MACROD2: variants seen among roughly 807,000 people sequenced by gnomAD.
MACROD2 encodes ADP-ribose glycohydrolase MACROD2.
Under a neutral mutation model 70.4 loss-of-function variants are expected in MACROD2, and 36 were observed. That is an observed-to-expected ratio of 0.51 (90% CI 0.39 to 0.68). The LOEUF (loss-of-function observed/expected upper bound fraction) is 0.68, where lower values mean the gene tolerates loss of function less well. MACROD2 is among the 30% of genes least tolerant of loss of function. The pLI is 0.00. For synonymous variants in MACROD2, 172 were observed against 178.8 expected (o/e 0.96, Z 0.30); for missense variants, 496 against 538.4 (o/e 0.92, Z 0.78).
intron 3 of MACROD2, among the ~76,000 whole-genome samples, chr20:14,222,790 C>A (rs2081688820): frequency 7.5e-6 from 1 of 134,204 alleles, no homozygotes; most frequent in African/African-American, 2.9e-5. Flanking sequence ...CTCTACAGTT[C>A]ACAGTTCAAC....
At chr20:15,330,687 G>A (rs2077982534) in intron 6 of MACROD2, among the ~76,000 whole-genome samples, 1 of 151,692 alleles carries the variant, frequency 6.6e-6, no homozygotes, top group Non-Finnish European at 1.5e-5. Context: ...GGGTGGGGTA[G>A]TCAATATCAC....
chr20:14,490,722 T>C (rs2084784611), intron 3 of MACROD2, among the ~76,000 whole-genome samples: 1 of 152,156 alleles, frequency 6.6e-6, no homozygotes, highest in South Asian at 2.1e-4. Flanking sequence ...AAATTCCCTC[T>C]AGGAAGAAAT....
Position 15,661,601 on chromosome 20 carries a change from C to T in MACROD2, c.645+161754C>T, listed in dbSNP as rs752281551. Among the ~76,000 whole-genome samples, 7 of 152,112 alleles carry T rather than the reference C, an allele frequency of 4.6e-5. 1 individual carries two copies. Among genetic ancestry groups the T allele is most frequent in the Admixed American group, 2.6e-4 (4 of 15,276 alleles). Reference sequence around the variant, plus strand: ...CAGTAGGACCCACTTTTCTACACTGCGGTACTGGGGGTAAAATTTCAATAT... The same window carrying T: ...CAGTAGGACCCACTTTTCTACACTGTGGTACTGGGGGTAAAATTTCAATAT... On this transcript the variant is annotated intron_variant, in intron 8 of 17. Coordinates refer to ENST00000684519, the MANE Select transcript of MACROD2 (RefSeq NM_001351661.2).
At chr20:14,974,526 A>G (rs1334433936) in intron 5 of MACROD2, among the ~76,000 whole-genome samples, 2 of 152,150 alleles carry the variant, frequency 1.3e-5, no homozygotes, top group Non-Finnish European at 2.9e-5. Flanking sequence ...CTAGTGCAGT[A>G]TCTGGGCCTT....
intron 5 of MACROD2, among the ~76,000 whole-genome samples, chr20:14,720,171 G>A (rs1467422431): frequency 1.3e-5 from 2 of 152,104 alleles, no homozygotes; most frequent in Non-Finnish European, 2.9e-5. Context: ...TTTGATATTT[G>A]TAAATCTTAG....
At chr20:14,762,141 C>T (rs908927711) in intron 5 of MACROD2, among the ~76,000 whole-genome samples, 6 of 152,104 alleles carry the variant, frequency 3.9e-5, no homozygotes, top group Admixed American at 2.0e-4. Context: ...CTTATTAACT[C>T]TGCAAGGTAT....
chr20:15,791,738 A>G (rs952160193), intron 8 of MACROD2, among the ~76,000 whole-genome samples: 6 of 152,066 alleles, frequency 3.9e-5, no homozygotes, highest in South Asian at 2.1e-4. Context: ...TGAAGGACCC[A>G]TATGAAGAAA....
chr20:14,390,421 G>C (rs754393547), intron 3 of MACROD2, among the ~76,000 whole-genome samples: 15 of 152,124 alleles, frequency 9.9e-5, no homozygotes, highest in Non-Finnish European at 1.9e-4. Context: ...AACCAAAAAA[G>C]AGCCAGATAG....
chr20:14,012,958 T>C (rs1157404909), intron 2 of MACROD2, among the ~76,000 whole-genome samples: 2 of 152,234 alleles, frequency 1.3e-5, no homozygotes, highest in African/African-American at 4.8e-5. Context: ...TTTACCTTTC[T>C]CTTGACTGAA....
intron 5 of MACROD2, among the ~76,000 whole-genome samples, chr20:15,217,543 T>G (rs2076821622): frequency 6.6e-6 from 1 of 152,220 alleles, no homozygotes; most frequent in African/African-American, 2.4e-5. Flanking sequence ...GATCTTTTTT[T>G]TCTGATATTG....
intron 5 of MACROD2, among the ~76,000 whole-genome samples, chr20:14,971,753 G>A (rs572788293): frequency 2.4e-3 from 370 of 152,152 alleles, no homozygotes; most frequent in African/African-American, 8.3e-3. Context: ...TTTACATAGC[G>A]CATGGGGAAG....
intron 3 of MACROD2, among the ~76,000 whole-genome samples, chr20:14,436,592 G>A (rs80327957): frequency 0.015 from 2,282 of 152,260 alleles, 32 homozygotes; most frequent in Non-Finnish European, 0.019. Context: ...AGGAGAGGCC[G>A]TATCATTTCA....
intron 5 of MACROD2, among the ~76,000 whole-genome samples, chr20:15,210,872 C>T (rs1341571333): frequency 6.6e-6 from 1 of 152,170 alleles, no homozygotes; most frequent in Non-Finnish European, 1.5e-5. Flanking sequence ...GCTGCCTGTA[C>T]AGCCTGTGAA....
At chr20:14,432,009 G>A (rs756361605) in intron 3 of MACROD2, among the ~76,000 whole-genome samples, 2 of 152,172 alleles carry the variant, frequency 1.3e-5, no homozygotes, top group Non-Finnish European at 2.9e-5. Flanking sequence ...TGTTGTAAGA[G>A]AAAATTATTT....
rs901142823 is a variant in MACROD2 at position 14,747,106 on chromosome 20, C to T, written c.418+62147C>T. Among the ~76,000 whole-genome samples, 4 of 152,170 alleles carry T rather than the reference C, an allele frequency of 2.6e-5. No individual in the cohort carries two copies. In the South Asian group the frequency reaches 6.2e-4, roughly 24 times the overall value. On this transcript the variant is annotated intron_variant, in intron 5 of 17. Transcript: ENST00000684519. ...TATCCAACAAAACCAACATGAATAG[C>T]AGTGCCTATAAAGGTAGCGTGCTTT...
intron 5 of MACROD2, among the ~76,000 whole-genome samples, chr20:15,115,637 G>T (rs1259215641): frequency 2.0e-5 from 3 of 152,090 alleles, no homozygotes; most frequent in Non-Finnish European, 4.4e-5. Flanking sequence ...CTAAAGATAG[G>T]ATTTTAGAAT....
At chr20:14,370,071 T>C (rs1179143673) in intron 3 of MACROD2, among the ~76,000 whole-genome samples, 1 of 152,190 alleles carries the variant, frequency 6.6e-6, no homozygotes, top group Non-Finnish European at 1.5e-5. Flanking sequence ...TTCAAGACCT[T>C]ATTATTAGAG....
intron 8 of MACROD2, among the ~76,000 whole-genome samples, chr20:15,719,238 A>C (rs1487106647): frequency 6.6e-6 from 1 of 152,214 alleles, no homozygotes; most frequent in Non-Finnish European, 1.5e-5. Context: ...AATGACTGGC[A>C]GTTCTGTTAA....
At chr20:14,708,231 T>C (rs997752689) in intron 5 of MACROD2, among the ~76,000 whole-genome samples, 2 of 152,232 alleles carry the variant, frequency 1.3e-5, no homozygotes, top group African/African-American at 4.8e-5. Context: ...TGATAACCTC[T>C]TATTATAATA....
Sources: allele counts gnomAD v4.1 joint callset (sites outside exome capture counted in the v4.1 genomes callset), GRCh38; gene constraint gnomAD v4.1.1; transcripts MANE v1.5; gene names NCBI Gene and HGNC (gene_info 2026-07-23, HGNC 2026-07-21).